ADGRL4: variants seen among roughly 807,000 people sequenced by gnomAD.
The protein encoded by ADGRL4 is adhesion G protein-coupled receptor L4, also known as EGF, latrophilin and seven transmembrane domain containing 1.
Under a neutral mutation model 74.8 loss-of-function variants are expected in ADGRL4, and 90 were observed. The ratio of observed to expected loss-of-function variants is 1.20; its 90% confidence interval spans 1.02 to 1.43. ADGRL4 has a LOEUF of 1.43. Ranked by LOEUF, ADGRL4 falls within the 40% of genes most tolerant of loss-of-function variation. The pLI is 0.00. For synonymous variants in ADGRL4, 311 were observed against 279.2 expected, an observed-to-expected ratio of 1.11 and a Z score of -1.14; for missense variants, 881 against 814.3, an observed-to-expected ratio of 1.08 and a Z score of -1.00.
rs1270729805 is a variant in ADGRL4 at position 79,006,689 on chromosome 1, C to A, written c.-35G>T. 3 of 1,465,658 alleles carry A rather than the reference C, an allele frequency of 2.0e-6. No homozygotes were observed. The highest frequency in any genetic ancestry group is 2.8e-5 in the South Asian group (2 of 71,988). The allele number at this position is 1,465,658 out of a possible 1,614,324, so 90.8% of individuals were successfully genotyped here. Reference sequence around the variant, plus strand: ...CCGCAGTGGTGGCGGTGGCGGAGAGCGCGGCGGAGTGAGTGCGGCTGTGGA... The same window carrying A: ...CCGCAGTGGTGGCGGTGGCGGAGAGAGCGGCGGAGTGAGTGCGGCTGTGGA... On this transcript the variant is annotated 5_prime_UTR_variant, in exon 1 of 15. Transcript: ENST00000370742.
Position 79,002,117 on chromosome 1 carries a change from T to A in ADGRL4, c.172+2953A>T, listed in dbSNP as rs573863485. The stretch of plus-strand genomic sequence containing the variant: ...CTGAAGAATTCCACTTAACGTTAAT[T>A]CCGCTTATAATGTTTATAAGATAAA... On this transcript the variant is annotated intron_variant, in intron 2 of 14. Transcript: ENST00000370742. Among the ~76,000 whole-genome samples, 8 of 152,204 alleles carry A rather than the reference T, an allele frequency of 5.3e-5. No homozygotes were observed. The South Asian group carries it at 1.2e-3, about 24-fold the overall frequency.
chr1:78,950,502 A>G (rs976695509), intron 2 of ADGRL4, among the ~76,000 whole-genome samples: 1 of 152,180 alleles, frequency 6.6e-6, no homozygotes, highest in Non-Finnish European at 1.5e-5. Flanking sequence ...TTTCAAGGAT[A>G]AAGAAAACTA....
chr1:78,898,307 G>A (rs1648440650), intron 12 of ADGRL4, among the ~76,000 whole-genome samples: 1 of 152,064 alleles, frequency 6.6e-6, no homozygotes, highest in Non-Finnish European at 1.5e-5. Flanking sequence ...TCTTTAAAAT[G>A]TAAGAAAAAT....
intron 7 of ADGRL4, among the ~76,000 whole-genome samples, chr1:78,928,322 C>G (rs770262319): frequency 4.0e-5 from 6 of 151,462 alleles, no homozygotes; most frequent in Non-Finnish European, 5.9e-5. Context: ...TATATTATCT[C>G]AGTATTTATT....
intron 2 of ADGRL4, among the ~76,000 whole-genome samples, chr1:78,982,282 T>G (rs2100727160): frequency 6.6e-6 from 1 of 151,968 alleles, no homozygotes; most frequent in Non-Finnish European, 1.5e-5. Context: ...ACACTTACAC[T>G]AATATGGTTG....
At chr1:78,920,595 C>T (rs1027803907) in intron 9 of ADGRL4, among the ~76,000 whole-genome samples, 6 of 151,760 alleles carry the variant, frequency 4.0e-5, no homozygotes, top group African/African-American at 1.5e-4. Context: ...TCATGTAGCA[C>T]TTTAACAGTT....
At chr1:79,003,156 A>G (rs1053959933) in intron 2 of ADGRL4, among the ~76,000 whole-genome samples, 5 of 152,082 alleles carry the variant, frequency 3.3e-5, no homozygotes, top group Non-Finnish European at 5.9e-5. Flanking sequence ...CTCTTTAGAG[A>G]CGAAAATGTC....
At chr1:78,976,977 C>A (rs1650298544) in intron 2 of ADGRL4, among the ~76,000 whole-genome samples, 1 of 151,756 alleles carries the variant, frequency 6.6e-6, no homozygotes, top group African/African-American at 2.4e-5. Context: ...TAGTACAAAT[C>A]TACAGACCAA....
chr1:78,985,722 G>A (rs548294165), intron 2 of ADGRL4, among the ~76,000 whole-genome samples: 51 of 151,848 alleles, frequency 3.4e-4, no homozygotes, highest in South Asian at 1.5e-3. Flanking sequence ...ACATGCATGC[G>A]TATGTTTATC....
At chr1:78,897,994 T>C (rs918823756) in intron 12 of ADGRL4, among the ~76,000 whole-genome samples, 4 of 152,088 alleles carry the variant, frequency 2.6e-5, no homozygotes, top group Admixed American at 2.0e-4. Flanking sequence ...TAAAGGCACA[T>C]GAGTTTATGT....
chr1:78,994,908 T>C (rs139598153), intron 2 of ADGRL4, among the ~76,000 whole-genome samples: 2 of 152,212 alleles, frequency 1.3e-5, no homozygotes, highest in African/African-American at 4.8e-5. Context: ...CTACTGCCTG[T>C]CTGATCAATT....
At chr1:79,001,678 T>C (rs937539602) in intron 2 of ADGRL4, among the ~76,000 whole-genome samples, 16 of 152,256 alleles carry the variant, frequency 1.1e-4, no homozygotes, top group African/African-American at 3.8e-4. Context: ...TAGGATATGA[T>C]AAAAATAAGC....
intron 2 of ADGRL4, among the ~76,000 whole-genome samples, chr1:79,003,951 C>A (rs1268595570): frequency 6.6e-6 from 1 of 151,832 alleles, no homozygotes; most frequent in African/African-American, 2.4e-5. Flanking sequence ...GCAGAAGCGC[C>A]TGATTTAATG....
chr1:78,915,294 AG>A (rs35107387), intron 12 of ADGRL4, among the ~76,000 whole-genome samples: 1,954 of 152,004 alleles, frequency 0.013, 44 homozygotes, highest in African/African-American at 0.045. Flanking sequence ...GCTCGAAATC[AG>A]GGGATATATG....
chr1:78,997,857 AC>A (rs1392915596), intron 2 of ADGRL4, among the ~76,000 whole-genome samples: 1 of 152,166 alleles, frequency 6.6e-6, no homozygotes, highest in Non-Finnish European at 1.5e-5. Context: ...TTTTCTGTAA[AC>A]GCAGGTGGGT....
chr1:78,941,090 C>T (rs1267340127), intron 3 of ADGRL4, among the ~76,000 whole-genome samples: 1 of 152,016 alleles, frequency 6.6e-6, no homozygotes, highest in Non-Finnish European at 1.5e-5. Context: ...CCTGTAGCAC[C>T]CTCACCCCTC....
At chr1:78,893,937 T>C (rs533923111) in intron 12 of ADGRL4, among the ~76,000 whole-genome samples, 30 of 151,988 alleles carry the variant, frequency 2.0e-4, no homozygotes, top group African/African-American at 7.2e-4. Context: ...CAAGTCATAT[T>C]TGCAGTGTTA....
At chr1:78,891,293 A>T (rs1648267457) in intron 14 of ADGRL4, 77 bp from the exon 15 acceptor site, 1 of 1,430,070 alleles carries the variant, frequency 7.0e-7, no homozygotes, top group African/African-American at 1.4e-5. Context: ...ATCACAATAA[A>T]TTGTTACATA....
chr1:78,906,448 G>A lies in ADGRL4; in HGVS notation c.1749+11186C>T, dbSNP rs537667033. On this transcript the variant is annotated intron_variant, in intron 12 of 14. Transcript: ENST00000370742. ...CATCTGTATCCATGAAGGATAAAGT[G>A]ACCCGCACGGGAGTAAGTGAGCTAC... is the stretch of plus-strand genomic sequence containing the variant. Among the ~76,000 whole-genome samples the A allele has an allele frequency of 2.0e-5, 3 of 152,020 alleles. No homozygotes were observed. The South Asian group carries it at 6.2e-4, about 32-fold the overall frequency.
Sources: gnomAD v4.1 joint callset for allele counts (sites outside exome capture counted in the v4.1 genomes callset) on GRCh38, gnomAD v4.1.1 for gene constraint, MANE v1.5 for transcripts, NCBI Gene and HGNC (gene_info 2026-07-23, HGNC 2026-07-21) for gene names.